The following GNAL variants were observed in gnomAD, a reference collection of about 807,000 sequenced individuals.
GNAL encodes the protein G protein subunit alpha L, also known as guanine nucleotide-binding protein G(olf) subunit alpha.
In GNAL, 18 loss-of-function variants were observed where a neutral mutation model predicts 55.1. The ratio of observed to expected loss-of-function variants is 0.33; its 90% confidence interval spans 0.23 to 0.48. GNAL has a LOEUF of 0.48. Ranked by LOEUF, GNAL falls within the 20% of genes least tolerant of loss-of-function variation. The pLI, the probability that GNAL is intolerant of heterozygous loss-of-function variation, is 0.99. For synonymous variants in GNAL, 253 were observed against 237.0 expected, an observed-to-expected ratio of 1.07 and a Z score of -0.62; for missense variants, 412 against 614.1, an observed-to-expected ratio of 0.67 and a Z score of 3.48.
rs2036307408 is a variant in GNAL at position 11,868,106 on chromosome 18, C to A, written c.911-437C>A. ...CGCCATTGCACTCCAGCCTGGGCAA[C>A]AAGAGTGAAACTCTGTCTCGGAAGA... On this transcript the variant is annotated intron_variant, in intron 8 of 11. Transcript: ENST00000334049. This position sits in a 1 kb window ranked among gnomAD's most constrained non-coding sequence, Gnocchi z 4.0. Among the ~76,000 whole-genome samples the A allele has an allele frequency of 6.6e-6, 1 of 151,878 alleles. No homozygotes were observed. Among genetic ancestry groups the A allele is most frequent in the African/African-American group, 2.4e-5 (1 of 41,308 alleles).
chr18:11,758,656 A>G (rs8085082), intron 4 of GNAL, among the ~76,000 whole-genome samples: 10,340 of 152,274 alleles, frequency 0.068, 574 homozygotes, highest in African/African-American at 0.15. Flanking sequence ...ATTAGCTACA[A>G]ATAATGAATT....
intron 5 of GNAL, among the ~76,000 whole-genome samples, chr18:11,845,522 AC>A (rs1365889535): frequency 2.0e-5 from 3 of 152,100 alleles, no homozygotes; most frequent in Admixed American, 2.0e-4. Flanking sequence ...TGTTTCATAG[AC>A]CTAACAATAT....
chr18:11,778,420 C>T (rs971153921), intron 4 of GNAL, among the ~76,000 whole-genome samples: 4 of 152,124 alleles, frequency 2.6e-5, no homozygotes, highest in African/African-American at 9.7e-5. Context: ...AGCGAGCATC[C>T]CCTAGGTCCC....
At chr18:11,700,095 G>A (rs2031523149) in intron 1 of GNAL, among the ~76,000 whole-genome samples, 2 of 152,322 alleles carry the variant, frequency 1.3e-5, no homozygotes, top group South Asian at 4.1e-4. Flanking sequence ...CCCAAGAGGA[G>A]GAGCTGGTGG....
At chr18:11,842,163 T>G (rs2035630968) in intron 5 of GNAL, among the ~76,000 whole-genome samples, 1 of 151,882 alleles carries the variant, frequency 6.6e-6, no homozygotes, top group Admixed American at 6.6e-5. Flanking sequence ...TTTTTTTTAG[T>G]AGAGACAGGG....
intron 1 of GNAL, among the ~76,000 whole-genome samples, chr18:11,694,449 T>C (rs973821634): frequency 6.6e-6 from 1 of 152,160 alleles, no homozygotes; most frequent in African/African-American, 2.4e-5. Context: ...CCACTGTGAC[T>C]ATGAGGAGAT....
chr18:11,861,176 C>T (rs998972744), intron 5 of GNAL, among the ~76,000 whole-genome samples: 3 of 152,198 alleles, frequency 2.0e-5, no homozygotes, highest in Admixed American at 1.3e-4. Context: ...CCAGGCCGTC[C>T]ATCCTCTCTC....
In GNAL at chr18:11,790,651, CTTTTTTTTTCTTTTT is replaced by C. The variant is rs1310170536; in HGVS notation, c.625-34257_625-34243del. Among the ~76,000 whole-genome samples, 20 of 83,348 alleles carry C rather than the reference CTTTTTTTTTCTTTTT, an allele frequency of 2.4e-4. No homozygotes were observed. In the East Asian group the frequency reaches 3.2e-3, roughly 13 times the overall value. The allele number at this position is 83,348 out of a possible 152,430, so 54.7% of individuals were successfully genotyped here. On this transcript the variant is annotated intron_variant, in intron 4 of 11. Coordinates refer to ENST00000334049, the MANE Select transcript of GNAL (RefSeq NM_182978.4). ...GATGGTTTTTCTTTTCTTTTCTTTT[CTTTTTTTTTCTTTTT>C]TTTTTTTTTTGAGACAGTCTTGCTC... is the stretch of plus-strand genomic sequence containing the variant.
intron 9 of GNAL, among the ~76,000 whole-genome samples, chr18:11,869,561 A>G (rs74255566): frequency 0.059 from 8,918 of 152,306 alleles, 445 homozygotes; most frequent in African/African-American, 0.13. Flanking sequence ...ACATCTGCGG[A>G]TTCAACCAAC....
intron 4 of GNAL, among the ~76,000 whole-genome samples, chr18:11,803,724 G>A (rs2034581546): frequency 8.4e-6 from 1 of 119,138 alleles, no homozygotes; most frequent in Admixed American, 7.7e-5. Flanking sequence ...GTGCAGTTTG[G>A]ATGGAACACG....
chr18:11,818,897 T>C (rs1289889223), intron 4 of GNAL, among the ~76,000 whole-genome samples: 3 of 152,238 alleles, frequency 2.0e-5, no homozygotes, highest in Non-Finnish European at 4.4e-5. Flanking sequence ...CTAGAAAGAA[T>C]ATTGTGCGAA....
Position 11,882,904 on chromosome 18 carries a change from G to A in GNAL, c.*1769G>A, listed in dbSNP as rs1050889968. On this transcript the variant is annotated 3_prime_UTR_variant, in exon 12 of 12. Transcript: ENST00000334049. ...CAATATCTAGAAAGTAAGAACTGGT[G>A]TAGCAATGATGCTTCATATTCTAGC... The A allele has an allele frequency of 6.6e-6, 1 of 152,122 alleles. No individual in the cohort carries two copies. The highest frequency in any genetic ancestry group is 6.5e-5 in the Admixed American group (1 of 15,272). 9.4% of individuals were successfully genotyped at this position (152,122 alleles called of 1,614,324 possible). A position where few individuals can be genotyped will look rare whatever the true frequency, so the allele number is the denominator to read the frequency against.
chr18:11,742,195 C>T lies in GNAL; in HGVS notation c.377-10658C>T, dbSNP rs952681907. Among the ~76,000 whole-genome samples, 49 of 152,362 alleles carry T rather than the reference C, an allele frequency of 3.2e-4. 1 individual carries two copies. Among genetic ancestry groups the T allele is most frequent in the South Asian group, 4.1e-4 (2 of 4,834 alleles). On this transcript the variant is annotated intron_variant, in intron 1 of 11. Transcript: ENST00000334049. ...TTACACTGTGCTCAGCTGAGTGTCACAGGCCCTCAGTGAGTCTTTGTTGAC... is the reference window on the plus strand; with the variant it reads ...TTACACTGTGCTCAGCTGAGTGTCATAGGCCCTCAGTGAGTCTTTGTTGAC...
chr18:11,733,084 AGAG>A (rs748109941), intron 1 of GNAL, among the ~76,000 whole-genome samples: 2 of 148,870 alleles, frequency 1.3e-5, no homozygotes, highest in Non-Finnish European at 3.0e-5. Context: ...GGACATGTGA[AGAG>A]AAGACTCTGA....
intron 4 of GNAL, among the ~76,000 whole-genome samples, chr18:11,790,350 C>T (rs1598460885): frequency 6.6e-6 from 1 of 151,892 alleles, no homozygotes; most frequent in East Asian, 1.9e-4. Flanking sequence ...TTCTCCAGGG[C>T]GTTTGTCAGC....
chr18:11,830,018 G>A (rs2035342807), intron 5 of GNAL, among the ~76,000 whole-genome samples: 1 of 151,972 alleles, frequency 6.6e-6, no homozygotes, highest in Admixed American at 6.6e-5. Context: ...AAATAAATAA[G>A]TAAATAAAGT....
In GNAL at chr18:11,885,413, G is replaced by T; in HGVS notation, c.*4278G>T. On this transcript the variant is annotated 3_prime_UTR_variant, in exon 12 of 12. Coordinates refer to ENST00000334049, the MANE Select transcript of GNAL (RefSeq NM_182978.4). ...AACACACACAGAGTGTAAGAGGAGA[G>T]GATACGGCCCTCCCTGAAGGATAAA... The T allele has an allele frequency of 2.0e-6, 1 of 489,608 alleles. No individual in the cohort carries two copies. The highest frequency in any genetic ancestry group is 3.7e-6 in the Non-Finnish European group (1 of 272,448). 30.3% of individuals were successfully genotyped at this position (489,608 alleles called of 1,614,324 possible).
intron 5 of GNAL, among the ~76,000 whole-genome samples, chr18:11,849,996 AGAG>A (rs1420777375): frequency 6.6e-6 from 1 of 152,206 alleles, no homozygotes; most frequent in Non-Finnish European, 1.5e-5. Context: ...ATGGCCACAC[AGAG>A]GAGGAGTCCT....
chr18:11,723,966 C>T lies in GNAL; in HGVS notation c.377-28887C>T, dbSNP rs1403711878. On this transcript the variant is annotated intron_variant, in intron 1 of 11. Transcript: ENST00000334049. ...AAGGAACTGGTCTTTGAAAGGGGGT[C>T]GTACCCTCTAGGAGAGAGTGGAAAA... 3.9e-5 allele frequency among the ~76,000 whole-genome samples: 6 copies of T among 152,170 alleles called. No homozygotes were observed. In the East Asian group the frequency reaches 9.6e-4, roughly 24 times the overall value.
Sources: gnomAD v4.1 joint callset for allele counts (sites outside exome capture counted in the v4.1 genomes callset) on GRCh38, gnomAD v4.1.1 for gene constraint, Gnocchi (gnomAD v3.1) non-coding constraint, MANE v1.5 for transcripts, NCBI Gene and HGNC (gene_info 2026-07-23, HGNC 2026-07-21) for gene names.